Variants in KIRREL3 observed in about 807,000 individuals in gnomAD.
The protein encoded by KIRREL3 is kirre like nephrin family adhesion molecule 3, also known as kin of IRRE-like protein 3.
A neutral mutation model predicts 89.7 loss-of-function variants in KIRREL3; 36 were observed. The ratio of observed to expected loss-of-function variants is 0.40; its 90% confidence interval spans 0.31 to 0.53. The LOEUF is 0.53. KIRREL3 is among the 20% of genes least tolerant of loss of function. The pLI, the probability that KIRREL3 is intolerant of heterozygous loss-of-function variation, is 0.49. For missense variants in KIRREL3, 864 were observed against 1,056.6 expected (o/e 0.82, Z 2.53); for synonymous variants, 445 against 441.4 (o/e 1.01, Z -0.10).
intron 1 of KIRREL3, among the ~76,000 whole-genome samples, chr11:126,671,793 G>A (rs1201751475): frequency 6.6e-6 from 1 of 152,178 alleles, no homozygotes; most frequent in Non-Finnish European, 1.5e-5. Context: ...CAAGGATATG[G>A]AGCAACAGGA....
chr11:126,831,335 G>A (rs1410742566), intron 1 of KIRREL3, among the ~76,000 whole-genome samples: 2 of 152,060 alleles, frequency 1.3e-5, no homozygotes, highest in Admixed American at 6.6e-5. Flanking sequence ...CAGCTTTCTT[G>A]GAGGCTATGC....
intron 1 of KIRREL3, among the ~76,000 whole-genome samples, chr11:126,975,128 C>G (rs1239564266): frequency 6.6e-6 from 1 of 151,972 alleles, no homozygotes; most frequent in Non-Finnish European, 1.5e-5. Flanking sequence ...CTATTATTAT[C>G]TTATAAGACC....
At chr11:126,731,583 T>A (rs182510041) in intron 1 of KIRREL3, among the ~76,000 whole-genome samples, 2 of 152,380 alleles carry the variant, frequency 1.3e-5, no homozygotes. Flanking sequence ...GGTGAGTGAA[T>A]GCACACAGGA....
In KIRREL3 at chr11:126,601,631, G is replaced by A. The variant is rs560198587; in HGVS notation, c.56-38719C>T. 6.6e-6 allele frequency among the ~76,000 whole-genome samples: 1 copy of A among 152,334 alleles called. No individual in the cohort carries two copies. The highest frequency in any genetic ancestry group is 2.4e-5 in the African/African-American group (1 of 41,574). On this transcript the variant is annotated intron_variant, in intron 1 of 16. Transcript: ENST00000525144. This position sits in a 1 kb window ranked among gnomAD's most constrained non-coding sequence, Gnocchi z 5.8. ...GGTTTTCTCCTTATGGCACCTGAGA[G>A]AACCAGAGAAAGGAGGCCTCACAGT... is the stretch of plus-strand genomic sequence containing the variant.
In KIRREL3 at chr11:126,946,619, T is replaced by C. The variant is rs972568624; in HGVS notation, c.55+53836A>G. 3.3e-5 allele frequency among the ~76,000 whole-genome samples: 5 copies of C among 152,216 alleles called. No individual in the cohort carries two copies. The highest frequency in any genetic ancestry group is 7.3e-5 in the Non-Finnish European group (5 of 68,040). On this transcript the variant is annotated intron_variant, in intron 1 of 16. Coordinates refer to ENST00000525144, the MANE Select transcript of KIRREL3 (RefSeq NM_032531.4). The surrounding 1 kb of genome is among the most constrained non-coding windows in gnomAD (Gnocchi z 4.1). ...GTTACTATGATAAGAGCTCATAAAA[T>C]ATGTCCCAATATCCATAACAGGAAG...
intron 1 of KIRREL3, among the ~76,000 whole-genome samples, chr11:126,637,713 T>TA (rs1430667804): frequency 2.6e-5 from 4 of 152,242 alleles, no homozygotes; most frequent in African/African-American, 9.6e-5. Flanking sequence ...GATGGTCACT[T>TA]AAAAAAAGAT....
intron 2 of KIRREL3, among the ~76,000 whole-genome samples, chr11:126,532,246 C>T (rs2134460800): frequency 6.6e-6 from 1 of 152,214 alleles, no homozygotes; most frequent in African/African-American, 2.4e-5. Context: ...TGGGTACAGC[C>T]CTATTTTCTC....
rs1010910458 is a variant in KIRREL3, at chr11:126,527,553, AT to A, written c.134-867del. Among the ~76,000 whole-genome samples the A allele has an allele frequency of 6.6e-6, 1 of 152,116 alleles. No homozygotes were observed. Among genetic ancestry groups the A allele is most frequent in the Non-Finnish European group, 1.5e-5 (1 of 68,022 alleles). On this transcript the variant is annotated intron_variant, in intron 2 of 16. Coordinates refer to ENST00000525144, the MANE Select transcript of KIRREL3 (RefSeq NM_032531.4). This position sits in a 1 kb window ranked among gnomAD's most constrained non-coding sequence, Gnocchi z 4.2. ...CACTATTTTTATCCCCATTTTCCAG[AT>A]GGGAAAATGAGGCACAGGGAGGTGA...
At position 126,587,531 on chromosome 11, in the gene KIRREL3, A is replaced by C. The variant is rs78897307; in HGVS notation, c.56-24619T>G. Among the ~76,000 whole-genome samples the C allele has an allele frequency of 3.5e-3, 525 of 151,954 alleles. No homozygotes were observed. Among genetic ancestry groups the C allele is most frequent in the African/African-American group, 9.0e-3 (371 of 41,436 alleles). On this transcript the variant is annotated intron_variant, in intron 1 of 16. Transcript: ENST00000525144. This position sits in a 1 kb window ranked among gnomAD's most constrained non-coding sequence, Gnocchi z 5.2. ...GCCTGCAGTCTTCACTGTGCTCTCG[A>C]CTCCCCCAGCCTTTCATTGTATGTG...
At position 126,554,340 on chromosome 11, in the gene KIRREL3, G is replaced by C. The variant is rs1014537906; in HGVS notation, c.133+8495C>G. Among the ~76,000 whole-genome samples, 83 of 152,122 alleles carry C rather than the reference G, an allele frequency of 5.5e-4. 1 individual carries two copies. Among genetic ancestry groups the C allele is most frequent in the African/African-American group, 1.8e-3 (76 of 41,414 alleles). ...GAAGTCCTAGCAGTTGCTGCTGGGA[G>C]GTGCTCAGAGGTGTTTGCCATAAGC... On this transcript the variant is annotated intron_variant, in intron 2 of 16. Coordinates refer to ENST00000525144, the MANE Select transcript of KIRREL3 (RefSeq NM_032531.4).
In KIRREL3 at chr11:126,635,526, G is replaced by A. The variant is rs936545770; in HGVS notation, c.56-72614C>T. On this transcript the variant is annotated intron_variant, in intron 1 of 16. Transcript: ENST00000525144. The surrounding 1 kb of genome is among the most constrained non-coding windows in gnomAD (Gnocchi z 4.0). The stretch of plus-strand genomic sequence containing the variant: ...GCTGAACAGTGGCTGATGGCCTGGA[G>A]GAGGAGATAGGGAGGGAGGAGAAGG... Among the ~76,000 whole-genome samples, 1 of 152,182 alleles carries A rather than the reference G, an allele frequency of 6.6e-6. No individual in the cohort carries two copies. Among genetic ancestry groups the A allele is most frequent in the African/African-American group, 2.4e-5 (1 of 41,448 alleles).
intron 5 of KIRREL3, among the ~76,000 whole-genome samples, chr11:126,469,454 G>A (rs1230387646): frequency 1.3e-5 from 2 of 152,170 alleles, no homozygotes; most frequent in Non-Finnish European, 2.9e-5. Context: ...GGGAGGAGGG[G>A]GTGGGCTGGG....
rs115546637 is a variant in KIRREL3, at chr11:126,477,245, A to G, written c.434-3779T>C. ...TGAGCTCTTTACAGTTTACTCTCCC[A>G]TTGGCCAGGACTGGAGCAGGCAGCT... On this transcript the variant is annotated intron_variant, in intron 4 of 16. Transcript: ENST00000525144. The surrounding 1 kb of genome is among the most constrained non-coding windows in gnomAD (Gnocchi z 4.8). Among the ~76,000 whole-genome samples the G allele has an allele frequency of 1.7e-3, 259 of 152,348 alleles. 3 individuals carry two copies. Among genetic ancestry groups the G allele is most frequent in the African/African-American group, 5.8e-3 (243 of 41,596 alleles).
intron 2 of KIRREL3, among the ~76,000 whole-genome samples, chr11:126,548,294 C>T (rs368104598): frequency 3.3e-5 from 5 of 152,324 alleles, no homozygotes; most frequent in South Asian, 2.1e-4. Flanking sequence ...GACCATCCCG[C>T]GTCTTCAGGC....
At chr11:126,950,798 G>C (rs1324163962) in intron 1 of KIRREL3, among the ~76,000 whole-genome samples, 2 of 152,168 alleles carry the variant, frequency 1.3e-5, no homozygotes, top group South Asian at 2.1e-4. Flanking sequence ...CATTTGCATA[G>C]AGCACCAAAG....
At position 126,628,303 on chromosome 11, in the gene KIRREL3, A is replaced by G. The variant is rs144095977; in HGVS notation, c.56-65391T>C. ...CCTTCTCTGTGAGAAGGAAAATGAG[A>G]ACATTCCGGAAGGAAGCACTCTTCT... On this transcript the variant is annotated intron_variant, in intron 1 of 16. Coordinates refer to ENST00000525144, the MANE Select transcript of KIRREL3 (RefSeq NM_032531.4). The surrounding 1 kb of genome is among the most constrained non-coding windows in gnomAD (Gnocchi z 5.2). Among the ~76,000 whole-genome samples the G allele has an allele frequency of 5.7e-4, 87 of 152,240 alleles. No individual in the cohort carries two copies. The highest frequency in any genetic ancestry group is 1.0e-3 in the Non-Finnish European group (68 of 68,018).
At chr11:126,699,785 A>G (rs1254231436) in intron 1 of KIRREL3, among the ~76,000 whole-genome samples, 1 of 152,164 alleles carries the variant, frequency 6.6e-6, no homozygotes, top group South Asian at 2.1e-4. Flanking sequence ...TAGTATGTGC[A>G]TTATTATTAT....
chr11:126,842,053 T>C (rs1401267343), intron 1 of KIRREL3, among the ~76,000 whole-genome samples: 3 of 152,094 alleles, frequency 2.0e-5, no homozygotes, highest in Non-Finnish European at 1.5e-5. Context: ...GCGTGTCCAC[T>C]GAGCTTTGCA....
intron 1 of KIRREL3, among the ~76,000 whole-genome samples, chr11:126,799,449 C>T (rs61897933): frequency 0.24 from 169 of 710 alleles, 6 homozygotes; most frequent in African/African-American, 0.25. Flanking sequence ...TGTGTGCATG[C>T]ATCTCTGTGT....
Sources: gnomAD v4.1 joint callset for allele counts (sites outside exome capture counted in the v4.1 genomes callset) on GRCh38, gnomAD v4.1.1 for gene constraint, Gnocchi (gnomAD v3.1) non-coding constraint, MANE v1.5 for transcripts, NCBI Gene and HGNC (gene_info 2026-07-23, HGNC 2026-07-21) for gene names.